The following AMBRA1 variants were observed in gnomAD, a reference collection of about 807,000 sequenced individuals.
AMBRA1 encodes the protein activating molecule in BECN1-regulated autophagy protein 1.
AMBRA1 carries 47 observed loss-of-function variants against 125.4 expected under a neutral mutation model. That is an observed-to-expected ratio of 0.37 (90% CI 0.30 to 0.48). AMBRA1 has a LOEUF of 0.48. Ranked by LOEUF, AMBRA1 falls within the 20% of genes least tolerant of loss-of-function variation. AMBRA1 has a pLI of 0.99. For synonymous variants in AMBRA1, 626 were observed against 655.5 expected (o/e 0.95, Z 0.69); for missense variants, 1,331 against 1,693.4 (o/e 0.79, Z 3.76).
chr11:46,466,469 A>G (rs1313212376), intron 11 of AMBRA1, among the ~76,000 whole-genome samples: 3 of 152,238 alleles, frequency 2.0e-5, no homozygotes, highest in African/African-American at 7.2e-5. Context: ...TACAGAGTAC[A>G]GAGGAACTAG....
At chr11:46,570,261 CAAAA>C (rs200875374) in intron 1 of AMBRA1, among the ~76,000 whole-genome samples, 4 of 14,292 alleles carry the variant, frequency 2.8e-4, no homozygotes, top group South Asian at 5.0e-3. Flanking sequence ...GACCATGTCT[CAAAA>C]AAAAAAAAAA....
intron 11 of AMBRA1, among the ~76,000 whole-genome samples, chr11:46,453,672 T>G (rs1487251737): frequency 2.0e-5 from 3 of 152,154 alleles, no homozygotes; most frequent in Non-Finnish European, 4.4e-5. Context: ...TTCCTGAGGC[T>G]AAAAGATATG....
At chr11:46,500,501 A>G (rs1950796506) in intron 9 of AMBRA1, among the ~76,000 whole-genome samples, 1 of 152,196 alleles carries the variant, frequency 6.6e-6, no homozygotes, top group East Asian at 1.9e-4. Flanking sequence ...ACCTTAACCA[A>G]TGCTATCAGA....
intron 11 of AMBRA1, among the ~76,000 whole-genome samples, chr11:46,470,684 C>G (rs1949551826): frequency 6.6e-6 from 1 of 151,768 alleles, no homozygotes; most frequent in Non-Finnish European, 1.5e-5. Context: ...ATTGCTTGAG[C>G]CCAGGAGTTG....
intron 11 of AMBRA1, among the ~76,000 whole-genome samples, chr11:46,468,499 A>C (rs1286041757): frequency 2.0e-5 from 3 of 152,078 alleles, no homozygotes; most frequent in African/African-American, 7.2e-5. Context: ...CATCACTCTT[A>C]AAGAAAAGGA....
chr11:46,440,001 T>C (rs542501855), intron 12 of AMBRA1, among the ~76,000 whole-genome samples: 1 of 152,210 alleles, frequency 6.6e-6, no homozygotes, highest in African/African-American at 2.4e-5. Flanking sequence ...TCAGGCACTC[T>C]CATGAACTCC....
At chr11:46,488,334 T>C (rs1950333489) in intron 11 of AMBRA1, among the ~76,000 whole-genome samples, 1 of 152,004 alleles carries the variant, frequency 6.6e-6, no homozygotes, top group African/African-American at 2.4e-5. Flanking sequence ...CACACGCCTG[T>C]AATCTCAGCT....
intron 9 of AMBRA1, chr11:46,504,371 G>A (rs1038356977): frequency 6.6e-6 from 1 of 152,182 alleles, no homozygotes; most frequent in Non-Finnish European, 1.5e-5. Flanking sequence ...CCAAAGGGAT[G>A]GCAAACATGA....
intron 11 of AMBRA1, among the ~76,000 whole-genome samples, chr11:46,454,450 A>C (rs1427576478): frequency 6.6e-6 from 1 of 151,360 alleles, no homozygotes; most frequent in African/African-American, 2.4e-5. Context: ...AAGAAAGAGA[A>C]ATTGGCCAGG....
intron 7 of AMBRA1, among the ~76,000 whole-genome samples, chr11:46,516,953 A>AG (rs1453375568): frequency 6.6e-6 from 1 of 152,070 alleles, no homozygotes; most frequent in Non-Finnish European, 1.5e-5. Context: ...GAAAAAAAAA[A>AG]TACAAAAACA....
At chr11:46,537,620 T>G (rs907020173) in intron 7 of AMBRA1, among the ~76,000 whole-genome samples, 8 of 152,182 alleles carry the variant, frequency 5.3e-5, no homozygotes, top group African/African-American at 1.9e-4. Flanking sequence ...CAAGTTGCAA[T>G]GTAGCGTCAG....
chr11:46,522,793 G>A (rs1014521237), intron 7 of AMBRA1, among the ~76,000 whole-genome samples: 5 of 152,178 alleles, frequency 3.3e-5, no homozygotes, highest in Admixed American at 2.0e-4. Context: ...GTAAGCCTGT[G>A]AAGGTCTTAA....
At chr11:46,537,008 T>C (rs1005422395) in intron 7 of AMBRA1, among the ~76,000 whole-genome samples, 27 of 152,234 alleles carry the variant, frequency 1.8e-4, no homozygotes, top group African/African-American at 2.4e-4. Context: ...TAGGAGGAGA[T>C]TGAGACCAAT....
In AMBRA1 at chr11:46,426,297, C is replaced by T. The variant is rs146125819; in HGVS notation, c.2976+7177G>A. ...TAGGAAGCAAACGTTGCATGCCTCC[C>T]GCAGCTAACTAAGCACAGTGAGGGC... On this transcript the variant is annotated intron_variant, in intron 14 of 17. Coordinates refer to ENST00000683756, the MANE Select transcript of AMBRA1 (RefSeq NM_001387011.1). 6.2e-3 allele frequency among the ~76,000 whole-genome samples: 951 copies of T among 152,162 alleles called. 13 individuals are homozygous for T. The highest frequency in any genetic ancestry group is 0.022 in the African/African-American group (903 of 41,500).
At chr11:46,452,393 G>A (rs778861324) in intron 11 of AMBRA1, among the ~76,000 whole-genome samples, 2 of 151,952 alleles carry the variant, frequency 1.3e-5, no homozygotes, top group Non-Finnish European at 2.9e-5. Context: ...ATGTTGCCCG[G>A]CTTGCCTTGA....
rs1160257678 is a variant in AMBRA1 at position 46,396,519 on chromosome 11, CAGAA to C, written c.*927_*930del. On this transcript the variant is annotated 3_prime_UTR_variant, in exon 18 of 18. Coordinates refer to ENST00000683756, the MANE Select transcript of AMBRA1 (RefSeq NM_001387011.1). ...CAATGTTTCTATGATGAGTTACAAA[CAGAA>C]AGGAAATCACATTTTCATACTAAAA... 6.6e-6 allele frequency: 1 copy of C among 152,650 alleles called. No individual in the cohort carries two copies. The highest frequency in any genetic ancestry group is 1.5e-5 in the Non-Finnish European group (1 of 68,050). The allele number at this position is 152,650 out of a possible 1,614,324, so 9.5% of individuals were successfully genotyped here. A position where few individuals can be genotyped will look rare whatever the true frequency, so the allele number is the denominator to read the frequency against.
chr11:46,492,460 A>G (rs539939743), intron 11 of AMBRA1, among the ~76,000 whole-genome samples: 1 of 152,322 alleles, frequency 6.6e-6, no homozygotes, highest in African/African-American at 2.4e-5. Flanking sequence ...TCCAAAACAG[A>G]ATGTCATTTT....
intron 7 of AMBRA1, among the ~76,000 whole-genome samples, chr11:46,534,025 T>A (rs1952345239): frequency 6.6e-6 from 1 of 151,340 alleles, no homozygotes; most frequent in Admixed American, 6.6e-5. Flanking sequence ...TGCTCCAGTG[T>A]AACCTTATCA....
chr11:46,539,191 T>G (rs927950103), intron 7 of AMBRA1, among the ~76,000 whole-genome samples: 6 of 152,114 alleles, frequency 3.9e-5, no homozygotes, highest in African/African-American at 1.4e-4. Context: ...AGTTATACTT[T>G]TCTCTTCGTT....
Sources: allele counts gnomAD v4.1 joint callset (sites outside exome capture counted in the v4.1 genomes callset), GRCh38; gene constraint gnomAD v4.1.1; transcripts MANE v1.5; gene names NCBI Gene and HGNC (gene_info 2026-07-23, HGNC 2026-07-21).